Variants in INPP4B observed in about 807,000 individuals in gnomAD.
INPP4B encodes the protein inositol polyphosphate-4-phosphatase type II B.
INPP4B carries 55 observed loss-of-function variants against 122.5 expected under a neutral mutation model. The ratio of observed to expected loss-of-function variants is 0.45; its 90% CI spans 0.36 to 0.56. INPP4B has a LOEUF of 0.56. Ranked by LOEUF, INPP4B falls within the 20% of genes least tolerant of loss-of-function variation. INPP4B has a pLI of 0.00. For synonymous variants in INPP4B, 403 were observed against 388.7 expected, an observed-to-expected ratio of 1.04 and a Z score of -0.43; for missense variants, 1,000 against 1,097.7, an observed-to-expected ratio of 0.91 and a Z score of 1.26.
chr4:142,213,404 G>A lies in INPP4B; in HGVS notation c.837-4378C>T, dbSNP rs570656415. ...CTTTGGAAAGGGAGGCCATGTCCTGGGTCCATGCATATTCCCTGCCTCTGT... is the reference window on the plus strand; with the variant it reads ...CTTTGGAAAGGGAGGCCATGTCCTGAGTCCATGCATATTCCCTGCCTCTGT... On this transcript the variant is annotated intron_variant, in intron 12 of 25. Coordinates refer to ENST00000262992, the MANE Select transcript of INPP4B (RefSeq NM_001101669.3). Among the ~76,000 whole-genome samples the A allele has an allele frequency of 3.4e-4, 52 of 152,134 alleles. 1 individual carries two copies. The South Asian group carries it at 0.01, about 30-fold the overall frequency.
intron 1 of INPP4B, among the ~76,000 whole-genome samples, chr4:142,812,258 G>T (rs1036206325): frequency 7.9e-5 from 12 of 152,232 alleles, no homozygotes; most frequent in South Asian, 2.1e-4. Context: ...AGCCTTGACA[G>T]TGAAGAAAGA....
At chr4:142,572,271 G>A (rs1286571902) in intron 2 of INPP4B, among the ~76,000 whole-genome samples, 1 of 152,110 alleles carries the variant, frequency 6.6e-6, no homozygotes, top group Non-Finnish European at 1.5e-5. Context: ...GAGAAGTGCT[G>A]AGCATTGGCA....
At chr4:142,564,679 C>A (rs1731252377) in intron 2 of INPP4B, among the ~76,000 whole-genome samples, 1 of 151,918 alleles carries the variant, frequency 6.6e-6, no homozygotes, top group Non-Finnish European at 1.5e-5. Context: ...GGAGCCCAGA[C>A]TTTGGGCTTT....
chr4:142,594,305 CA>C (rs1450873459), intron 2 of INPP4B, among the ~76,000 whole-genome samples: 1 of 152,038 alleles, frequency 6.6e-6, no homozygotes, highest in Non-Finnish European at 1.5e-5. Context: ...AAGTAAAGAA[CA>C]TTTTTATAGT....
At chr4:142,839,395 C>A (rs1299865027) in intron 1 of INPP4B, among the ~76,000 whole-genome samples, 1 of 152,064 alleles carries the variant, frequency 6.6e-6, no homozygotes, top group Non-Finnish European at 1.5e-5. Flanking sequence ...GAGGCAGAGG[C>A]TGCACTCCAG....
intron 2 of INPP4B, among the ~76,000 whole-genome samples, chr4:142,630,352 T>C (rs1032269461): frequency 3.9e-5 from 6 of 152,170 alleles, no homozygotes; most frequent in African/African-American, 1.2e-4. Context: ...GTTTTGTGTT[T>C]ATCTTTTATT....
intron 12 of INPP4B, among the ~76,000 whole-genome samples, chr4:142,218,402 T>C (rs866112712): frequency 8.5e-5 from 13 of 152,188 alleles, no homozygotes; most frequent in South Asian, 2.1e-4. Flanking sequence ...GAACCAAAAT[T>C]GGTAAACTTT....
intron 2 of INPP4B, among the ~76,000 whole-genome samples, chr4:142,486,684 CTG>C (rs1268281521): frequency 6.6e-6 from 1 of 152,048 alleles, no homozygotes; most frequent in East Asian, 1.9e-4. Flanking sequence ...AAATTATTTG[CTG>C]TACAGCATTA....
chr4:142,337,021 C>T (rs1380862010), intron 7 of INPP4B, among the ~76,000 whole-genome samples: 2 of 152,138 alleles, frequency 1.3e-5, no homozygotes, highest in African/African-American at 2.4e-5. Flanking sequence ...CTAAACACAA[C>T]AGTGTGGGTT....
intron 20 of INPP4B, among the ~76,000 whole-genome samples, chr4:142,122,974 G>T (rs1797184398): frequency 6.6e-6 from 1 of 152,006 alleles, no homozygotes; most frequent in Non-Finnish European, 1.5e-5. Context: ...ATATTGAACA[G>T]TGCAGTTCTA....
intron 2 of INPP4B, among the ~76,000 whole-genome samples, chr4:142,678,376 C>T (rs1758120412): frequency 6.6e-6 from 1 of 151,836 alleles, no homozygotes; most frequent in Non-Finnish European, 1.5e-5. Flanking sequence ...TATTCAAACC[C>T]CTCCTGAGAG....
At chr4:142,675,869 G>A (rs948559631) in intron 2 of INPP4B, among the ~76,000 whole-genome samples, 5 of 151,994 alleles carry the variant, frequency 3.3e-5, no homozygotes, top group Admixed American at 1.3e-4. Context: ...AACTGTTTAC[G>A]ACAAACCCAC....
intron 25 of INPP4B, among the ~76,000 whole-genome samples, chr4:142,063,854 G>C (rs1762224521): frequency 6.6e-6 from 1 of 152,080 alleles, no homozygotes; most frequent in Admixed American, 6.6e-5. Context: ...ATACTGCAAA[G>C]AAATGTGACT....
In INPP4B at chr4:142,349,391, T is replaced by C. The variant is rs542745942; in HGVS notation, c.373-34629A>G. Among the ~76,000 whole-genome samples the C allele has an allele frequency of 1.3e-4, 20 of 152,180 alleles. No individual in the cohort carries two copies. The South Asian group carries it at 3.5e-3, about 27-fold the overall frequency. On this transcript the variant is annotated intron_variant, in intron 7 of 25. Transcript: ENST00000262992. ...CATGTAGTACTCTCTCTTTGTAAGT[T>C]AGATGCTTAGGAAGAAAGATCTACT...
intron 1 of INPP4B, among the ~76,000 whole-genome samples, chr4:142,800,799 C>T (rs558430858): frequency 3.9e-5 from 6 of 152,214 alleles, no homozygotes; most frequent in East Asian, 3.9e-4. Context: ...ATGCTTGGAA[C>T]GTCTTATGTT....
intron 2 of INPP4B, among the ~76,000 whole-genome samples, chr4:142,706,572 T>C (rs1253195558): frequency 6.6e-6 from 1 of 152,220 alleles, no homozygotes; most frequent in Non-Finnish European, 1.5e-5. Context: ...GCTGATGACC[T>C]GACATTAAAA....
chr4:142,254,606 G>A (rs568527760), intron 11 of INPP4B, among the ~76,000 whole-genome samples: 461 of 152,258 alleles, frequency 3.0e-3, no homozygotes, highest in Admixed American at 7.8e-3. Context: ...GGGTATCAGC[G>A]ATGGAAGATG....
chr4:142,615,703 T>G lies in INPP4B; in HGVS notation c.-191+110136A>C, dbSNP rs1429360398. On this transcript the variant is annotated intron_variant, in intron 2 of 25. Coordinates refer to ENST00000262992, the MANE Select transcript of INPP4B (RefSeq NM_001101669.3). ...TATAACAAGGTACGTCTGACCTCCCTTCCCATCATGGCTGGGAATTCAGTT... is the reference window on the plus strand; with the variant it reads ...TATAACAAGGTACGTCTGACCTCCCGTCCCATCATGGCTGGGAATTCAGTT... Among the ~76,000 whole-genome samples the G allele has an allele frequency of 6.6e-5, 10 of 152,132 alleles. 1 individual carries two copies. Among genetic ancestry groups the G allele is most frequent in the Non-Finnish European group, 1.5e-4 (10 of 68,014 alleles).
chr4:142,452,640 T>C (rs1169299175), intron 3 of INPP4B, among the ~76,000 whole-genome samples: 1 of 152,156 alleles, frequency 6.6e-6, no homozygotes, highest in Non-Finnish European at 1.5e-5. Context: ...AGCTGACCAG[T>C]GGCCACACGG....
Sources: gnomAD v4.1 joint callset for allele counts (sites outside exome capture counted in the v4.1 genomes callset) on GRCh38, gnomAD v4.1.1 for gene constraint, MANE v1.5 for transcripts, NCBI Gene and HGNC (gene_info 2026-07-23, HGNC 2026-07-21) for gene names.